Variants in GABRB2 observed in about 807,000 individuals in gnomAD.
The protein encoded by GABRB2 is gamma-aminobutyric acid receptor subunit beta-2.
GABRB2 carries 16 observed loss-of-function variants against 54.7 expected under a neutral mutation model. The ratio of observed to expected loss-of-function variants is 0.29; its 90% CI spans 0.20 to 0.44. GABRB2 has a LOEUF of 0.44. GABRB2 is among the 20% of genes least tolerant of loss of function. The pLI, the probability that GABRB2 is intolerant of heterozygous loss-of-function variation, is 1.00. For synonymous variants in GABRB2, 244 were observed against 233.8 expected (o/e 1.04, Z -0.40); for missense variants, 355 against 644.0 (o/e 0.55, Z 4.86).
intron 5 of GABRB2, among the ~76,000 whole-genome samples, chr5:161,377,111 A>T (rs1217339701): frequency 6.6e-6 from 1 of 152,156 alleles, no homozygotes; most frequent in African/African-American, 2.4e-5. Flanking sequence ...GCATTTAAAA[A>T]ATTTAAGTCA....
intron 5 of GABRB2, among the ~76,000 whole-genome samples, chr5:161,361,583 G>T (rs1754812335): frequency 1.3e-5 from 2 of 152,096 alleles, no homozygotes; most frequent in African/African-American, 4.8e-5. Context: ...AAAATAAAAA[G>T]AAATAAGGAA....
intron 5 of GABRB2, among the ~76,000 whole-genome samples, chr5:161,339,284 A>G (rs567958308): frequency 5.3e-5 from 8 of 152,268 alleles, no homozygotes; most frequent in Admixed American, 4.6e-4. Flanking sequence ...GTTTTCCAAG[A>G]TAGTAACTGG....
In GABRB2 at chr5:161,362,842, C is replaced by T. The variant is rs573014050; in HGVS notation, c.542-26073G>A. Among the ~76,000 whole-genome samples the T allele has an allele frequency of 4.6e-5, 7 of 152,272 alleles. No individual in the cohort carries two copies. The South Asian group carries it at 8.3e-4, about 18-fold the overall frequency. The stretch of plus-strand genomic sequence containing the variant: ...ACCACAATGAGATACCATCTCACGC[C>T]AACCAGAATGGCCATCATTAATAAG... On this transcript the variant is annotated intron_variant, in intron 5 of 9. Coordinates refer to ENST00000393959, the MANE Select transcript of GABRB2 (RefSeq NM_001371727.1).
At chr5:161,444,229 T>C (rs556870938) in intron 4 of GABRB2, among the ~76,000 whole-genome samples, 18 of 152,114 alleles carry the variant, frequency 1.2e-4, no homozygotes, top group Non-Finnish European at 2.2e-4. Flanking sequence ...CCAAATTACA[T>C]AAAGACATAC....
At chr5:161,310,908 C>G (rs1757846758) in intron 9 of GABRB2, among the ~76,000 whole-genome samples, 1 of 151,976 alleles carries the variant, frequency 6.6e-6, no homozygotes, top group African/African-American at 2.4e-5. Context: ...TTACAGGCGT[C>G]CACCACCACG....
intron 8 of GABRB2, chr5:161,326,872 TG>T: frequency 2.1e-6 from 1 of 473,888 alleles, no homozygotes; most frequent in Non-Finnish European, 2.8e-6. Context: ...AATACCACGG[TG>T]GTAAAAAGGC....
intron 4 of GABRB2, among the ~76,000 whole-genome samples, chr5:161,428,161 T>C (rs964346005): frequency 2.0e-5 from 3 of 152,112 alleles, no homozygotes; most frequent in Non-Finnish European, 2.9e-5. Flanking sequence ...TCCTAAATCC[T>C]TTGTTTTGTT....
chr5:161,442,008 C>T (rs554381165), intron 4 of GABRB2, among the ~76,000 whole-genome samples: 14 of 151,954 alleles, frequency 9.2e-5, no homozygotes, highest in South Asian at 8.3e-4. Context: ...ACGGTTATTG[C>T]GTACAAAAAT....
chr5:161,443,448 T>C (rs1423969476), intron 4 of GABRB2, among the ~76,000 whole-genome samples: 1 of 152,100 alleles, frequency 6.6e-6, no homozygotes, highest in Admixed American at 6.6e-5. Flanking sequence ...GGATATAGCC[T>C]CTTCCTTGTC....
intron 3 of GABRB2, among the ~76,000 whole-genome samples, chr5:161,468,747 A>C (rs1465931044): frequency 2.6e-5 from 4 of 151,014 alleles, no homozygotes; most frequent in African/African-American, 9.7e-5. Context: ...GCAATAAAAA[A>C]CCCCCCAAAT....
At chr5:161,307,343 G>A (rs1051232010) in intron 9 of GABRB2, among the ~76,000 whole-genome samples, 6 of 152,174 alleles carry the variant, frequency 3.9e-5, no homozygotes, top group Non-Finnish European at 8.8e-5. Context: ...TGGTCACTGC[G>A]AGGGCAAGGC....
At chr5:161,402,702 T>C (rs1245604909) in intron 5 of GABRB2, among the ~76,000 whole-genome samples, 3 of 152,198 alleles carry the variant, frequency 2.0e-5, no homozygotes, top group Non-Finnish European at 4.4e-5. Context: ...GCAGTATCTG[T>C]ATGGCCTGGG....
At chr5:161,345,518 C>T (rs1477725345) in intron 5 of GABRB2, among the ~76,000 whole-genome samples, 1 of 152,056 alleles carries the variant, frequency 6.6e-6, no homozygotes, top group Non-Finnish European at 1.5e-5. Flanking sequence ...TACTCTTCAG[C>T]AATCCTCAGA....
At chr5:161,434,501 G>T (rs918334041) in intron 4 of GABRB2, among the ~76,000 whole-genome samples, 5 of 151,976 alleles carry the variant, frequency 3.3e-5, no homozygotes, top group African/African-American at 1.2e-4. Flanking sequence ...CATAGCCCAT[G>T]TTCCAGCCTT....
chr5:161,485,575 C>A (rs1391136902), intron 3 of GABRB2, among the ~76,000 whole-genome samples: 2 of 151,896 alleles, frequency 1.3e-5, no homozygotes, highest in East Asian at 3.9e-4. Context: ...TAGTACCTGT[C>A]CAAAAGCATC....
At chr5:161,504,257 C>A (rs565103183) in intron 3 of GABRB2, among the ~76,000 whole-genome samples, 5 of 152,186 alleles carry the variant, frequency 3.3e-5, no homozygotes, top group Admixed American at 3.3e-4. Context: ...GAATACAATA[C>A]ACATGGAATA....
intron 7 of GABRB2, 48 bp from the exon 8 acceptor site, chr5:161,331,175 C>A (rs770794174): frequency 2.0e-6 from 3 of 1,503,138 alleles, no homozygotes; most frequent in Non-Finnish European, 2.7e-6. Context: ...TATCTCTTTT[C>A]TTCTTTCTTA....
chr5:161,469,471 T>C (rs1581012042), intron 3 of GABRB2, among the ~76,000 whole-genome samples: 1 of 151,660 alleles, frequency 6.6e-6, no homozygotes, highest in African/African-American at 2.4e-5. Context: ...AAGCCATCAT[T>C]GATCAGTGAA....
intron 5 of GABRB2, among the ~76,000 whole-genome samples, chr5:161,368,656 C>A (rs1258281231): frequency 1.3e-5 from 2 of 152,132 alleles, no homozygotes; most frequent in African/African-American, 4.8e-5. Flanking sequence ...TGTATACAAC[C>A]TACCTGACAT....
Sources: allele counts gnomAD v4.1 joint callset (sites outside exome capture counted in the v4.1 genomes callset), GRCh38; gene constraint gnomAD v4.1.1; transcripts MANE v1.5; gene names NCBI Gene and HGNC (gene_info 2026-07-23, HGNC 2026-07-21).